ASTN2: variants seen among roughly 807,000 people sequenced by gnomAD.
ASTN2 encodes astrotactin-2.
Under a neutral mutation model 139.8 loss-of-function variants are expected in ASTN2, and 54 were observed. The ratio of observed to expected loss-of-function variants is 0.39; its 90% CI spans 0.31 to 0.48. ASTN2 has a LOEUF of 0.48. ASTN2 is among the 20% of genes least tolerant of loss of function. The pLI is 0.95. For missense variants in ASTN2, 1,565 were observed against 1,725.1 expected, an observed-to-expected ratio of 0.91 and a Z score of 1.64; for synonymous variants, 756 against 719.5, an observed-to-expected ratio of 1.05 and a Z score of -0.81.
chr9:117,192,989 C>T (rs563467236), intron 3 of ASTN2, among the ~76,000 whole-genome samples: 15 of 152,148 alleles, frequency 9.9e-5, no homozygotes, highest in Non-Finnish European at 2.1e-4. Context: ...TAACTGTGAC[C>T]TTTTAGGGAA....
intron 10 of ASTN2, among the ~76,000 whole-genome samples, chr9:116,904,593 G>T (rs986397519): frequency 1.3e-5 from 2 of 152,150 alleles, no homozygotes; most frequent in African/African-American, 4.8e-5. Flanking sequence ...ATCTTAGAAG[G>T]TTGGAATCAC....
intron 1 of ASTN2, among the ~76,000 whole-genome samples, chr9:117,351,686 T>C (rs1829394036): frequency 6.6e-6 from 1 of 152,204 alleles, no homozygotes; most frequent in Non-Finnish European, 1.5e-5. Context: ...GTGGAATCTT[T>C]GGAGGCACTT....
rs1859317778 is a variant in ASTN2 at position 116,673,444 on chromosome 9, G to A, written c.2807-21651C>T. 3.3e-5 allele frequency among the ~76,000 whole-genome samples: 5 copies of A among 152,200 alleles called. No individual in the cohort carries two copies. In the South Asian group the frequency reaches 1.0e-3, roughly 32 times the overall value. ...TTAAGCTCAAAGGGTGGTGTTATCA[G>A]TGGAATTGTGTCCTCCCCCAAAATA... On this transcript the variant is annotated intron_variant, in intron 16 of 22. Coordinates refer to ENST00000313400, the MANE Select transcript of ASTN2 (RefSeq NM_001365068.1).
At chr9:116,755,171 G>A (rs1829501001) in intron 13 of ASTN2, among the ~76,000 whole-genome samples, 1 of 152,124 alleles carries the variant, frequency 6.6e-6, no homozygotes, top group Non-Finnish European at 1.5e-5. Context: ...TACAATGATA[G>A]GCTAAATAAT....
At chr9:117,041,739 G>A (rs777676464) in intron 5 of ASTN2, among the ~76,000 whole-genome samples, 1 of 152,112 alleles carries the variant, frequency 6.6e-6, no homozygotes, top group Non-Finnish European at 1.5e-5. Flanking sequence ...CCTGTGCTCT[G>A]GCCTAAAGAC....
chr9:116,480,926 T>C (rs1172203179), intron 20 of ASTN2, among the ~76,000 whole-genome samples: 1 of 152,208 alleles, frequency 6.6e-6, no homozygotes, highest in Non-Finnish European at 1.5e-5. Flanking sequence ...GCTTAGGTAA[T>C]GTCTGTCATC....
intron 11 of ASTN2, among the ~76,000 whole-genome samples, chr9:116,840,921 A>G (rs1162295681): frequency 6.6e-6 from 1 of 151,254 alleles, no homozygotes; most frequent in Non-Finnish European, 1.5e-5. Context: ...GGGGCTCCTC[A>G]CATCCCAGAC....
At chr9:116,731,128 GGGATTATGGTTGGAATGAAGCTATGTGAT>G (rs1266635374) in intron 14 of ASTN2, among the ~76,000 whole-genome samples, 1 of 151,156 alleles carries the variant, frequency 6.6e-6, no homozygotes, top group East Asian at 2.0e-4. Flanking sequence ...TCCCCACCTG[GGGATTATGGTTGGAATGAAGCTATGTGAT>G]GGAGGGAGGA....
intron 12 of ASTN2, among the ~76,000 whole-genome samples, chr9:116,818,163 G>A (rs112744726): frequency 4.6e-5 from 7 of 152,308 alleles, no homozygotes; most frequent in Admixed American, 6.5e-5. Flanking sequence ...GTCATGGTAC[G>A]TAGAAAGTCA....
rs73655692 is a variant in ASTN2, at chr9:117,389,981, C to T, written c.442+24516G>A. ...GGGTCTCTGGAAAGCAAAAGAAATGCACCATGAGTGAAGGTGGAACCAGGC... is the reference window on the plus strand; with the variant it reads ...GGGTCTCTGGAAAGCAAAAGAAATGTACCATGAGTGAAGGTGGAACCAGGC... On this transcript the variant is annotated intron_variant, in intron 1 of 22. Transcript: ENST00000313400. Among the ~76,000 whole-genome samples the T allele has an allele frequency of 9.4e-3, 1,433 of 152,154 alleles. 22 individuals are homozygous for T. The highest frequency in any genetic ancestry group is 0.032 in the African/African-American group (1,330 of 41,500).
intron 1 of ASTN2, among the ~76,000 whole-genome samples, chr9:117,405,712 C>T (rs1830964429): frequency 6.6e-6 from 1 of 152,110 alleles, no homozygotes; most frequent in Non-Finnish European, 1.5e-5. Flanking sequence ...TAAATTTTTC[C>T]ATTTCTGATA....
At chr9:117,242,053 C>A (rs1404291874) in intron 2 of ASTN2, among the ~76,000 whole-genome samples, 2 of 111,634 alleles carry the variant, frequency 1.8e-5, no homozygotes, top group Admixed American at 1.3e-4. Flanking sequence ...GGCCCAATTG[C>A]AGACAAAATG....
At chr9:117,174,572 T>A (rs143093425) in intron 3 of ASTN2, among the ~76,000 whole-genome samples, 14 of 152,078 alleles carry the variant, frequency 9.2e-5, no homozygotes, top group Admixed American at 9.2e-4. Context: ...TGTGTAAACC[T>A]CATGTTTTAT....
chr9:117,022,044 C>A (rs1837900661), intron 6 of ASTN2, among the ~76,000 whole-genome samples: 1 of 151,996 alleles, frequency 6.6e-6, no homozygotes, highest in South Asian at 2.1e-4. Flanking sequence ...AATCAAAAGC[C>A]CATTCTGTGA....
intron 1 of ASTN2, among the ~76,000 whole-genome samples, chr9:117,408,822 A>G (rs1831080815): frequency 6.6e-6 from 1 of 152,194 alleles, no homozygotes; most frequent in South Asian, 2.1e-4. Context: ...TCTCAATAAC[A>G]TAGTACTTTC....
At chr9:116,505,914 G>A (rs778771422) in intron 19 of ASTN2, among the ~76,000 whole-genome samples, 5 of 152,070 alleles carry the variant, frequency 3.3e-5, no homozygotes, top group African/African-American at 4.8e-5. Flanking sequence ...CCCACTTTCC[G>A]GTCTCTGCTC....
At chr9:117,019,745 C>T (rs1310277844) in intron 6 of ASTN2, among the ~76,000 whole-genome samples, 1 of 152,052 alleles carries the variant, frequency 6.6e-6, no homozygotes, top group African/African-American at 2.4e-5. Flanking sequence ...AGGAGCCAGT[C>T]CCTGGAGCCA....
chr9:116,982,796 T>A (rs1351936512), intron 7 of ASTN2, among the ~76,000 whole-genome samples: 1 of 152,182 alleles, frequency 6.6e-6, no homozygotes, highest in East Asian at 1.9e-4. Context: ...CTTGTTCAAA[T>A]TCCAGCAGTT....
intron 3 of ASTN2, among the ~76,000 whole-genome samples, chr9:117,167,964 T>C (rs1383285502): frequency 6.6e-6 from 1 of 152,134 alleles, no homozygotes; most frequent in Admixed American, 6.6e-5. Context: ...GTTATCAAGG[T>C]GGCTTTGAAG....
Sources: allele counts gnomAD v4.1 joint callset (sites outside exome capture counted in the v4.1 genomes callset), GRCh38; gene constraint gnomAD v4.1.1; transcripts MANE v1.5; gene names NCBI Gene and HGNC (gene_info 2026-07-23, HGNC 2026-07-21).